Variants in FBXO6 observed in about 807,000 individuals in gnomAD.
FBXO6 encodes the protein F-box only protein 6.
In FBXO6, 13 loss-of-function variants were observed where a neutral mutation model predicts 25.0. The ratio of observed to expected loss-of-function variants is 0.52; its 90% CI spans 0.34 to 0.83. The LOEUF (loss-of-function observed/expected upper bound fraction) is 0.83, where lower values mean the gene tolerates loss of function less well. Among genes scored for constraint, FBXO6 ranks in the 40% least tolerant of loss-of-function variants. The probability of loss-of-function intolerance (pLI) is 0.02; values close to 1 mark genes in which losing one functional copy is unlikely to be tolerated. For missense variants in FBXO6, 370 were observed against 380.2 expected (o/e 0.97, Z 0.22); for synonymous variants, 138 against 155.3 (o/e 0.89, Z 0.83).
At chr1:11,665,215 CTTTTTTTTTTTTT>C (rs541103021) in intron 1 of FBXO6, among the ~76,000 whole-genome samples, 4 of 61,586 alleles carry the variant, frequency 6.5e-5, no homozygotes, top group Middle Eastern at 0.01. Context: ...TAGCTAATTT[CTTTTTTTTTTTTT>C]TTTTTTTTTT....
Position 11,665,058 on chromosome 1 carries a change from T to C in FBXO6, c.-4+803T>C, listed in dbSNP as rs530758828. On this transcript the variant is annotated intron_variant, in intron 1 of 5. Coordinates refer to ENST00000376753, the MANE Select transcript of FBXO6 (RefSeq NM_018438.6). Reference sequence around the variant, plus strand: ...AGCTGCCAGCATTTATTTATTTATTTATTTATGGCAGAGTCTTGCTCTGTC... The same window carrying C: ...AGCTGCCAGCATTTATTTATTTATTCATTTATGGCAGAGTCTTGCTCTGTC... Among the ~76,000 whole-genome samples the C allele has an allele frequency of 7.9e-5, 12 of 152,124 alleles. No individual in the cohort carries two copies. In the South Asian group the frequency reaches 2.5e-3, roughly 32 times the overall value.
chr1:11,665,404 T>C (rs996369328), intron 1 of FBXO6, among the ~76,000 whole-genome samples: 18 of 150,138 alleles, frequency 1.2e-4, no homozygotes, highest in Non-Finnish European at 2.5e-4. Flanking sequence ...TACAGGCACC[T>C]GCAACCAAGC....
At chr1:11,669,741 C>CACAG (rs1489659614) in intron 2 of FBXO6, among the ~76,000 whole-genome samples, 1 of 141,040 alleles carries the variant, frequency 7.1e-6, no homozygotes, top group Non-Finnish European at 1.5e-5. Flanking sequence ...TATACATACA[C>CACAG]ACACACACAC....
rs1205764625 is a variant in FBXO6, at chr1:11,673,652, G to A, written c.683G>A (p.Arg228His). 6 of 1,614,010 alleles carry A rather than the reference G, an allele frequency of 3.7e-6. No individual in the cohort carries two copies. The highest frequency in any genetic ancestry group is 2.2e-5 in the East Asian group (1 of 44,882). ...TTCTCAGACTACCCCCGGGGTGTCC[G>A]CTACATCCTCTTCCAGCATGGGGGC... is the stretch of plus-strand genomic sequence containing the variant. ...YTFSDYPRGV[R>H]YILFQHGGRD... is the part of the protein sequence containing the mutation. The change falls in exon 6 of 6, where the codon CGC becomes CAC. Residue 228 changes from arginine (R) to histidine (H), a missense_variant. Transcript: ENST00000376753. The surrounding 1 kb of genome is among the most constrained non-coding windows in gnomAD (Gnocchi z 4.3).
At chr1:11,665,546 C>A (rs1026817255) in intron 1 of FBXO6, among the ~76,000 whole-genome samples, 1 of 125,970 alleles carries the variant, frequency 7.9e-6, no homozygotes, top group African/African-American at 3.4e-5. Context: ...TGAGCCACCG[C>A]GCCCGGCCTT....
chr1:11,664,913 G>A (rs1481560271), intron 1 of FBXO6, among the ~76,000 whole-genome samples: 1 of 152,194 alleles, frequency 6.6e-6, no homozygotes, highest in Non-Finnish European at 1.5e-5. Context: ...GCAAGAAAAT[G>A]CGGACTGGGC....
At chr1:11,669,002 C>G in intron 2 of FBXO6, 58 bp downstream of exon 2, 1 of 1,579,922 alleles carries the variant, frequency 6.3e-7, no homozygotes, top group Admixed American at 1.8e-5. Context: ...ATCCTTGGGC[C>G]TTGGCACTTG....
chr1:11,668,762 T>C lies in FBXO6; in HGVS notation c.104T>C (p.Leu35Pro). Reference protein sequence around the residue: ...FTHVPARQLLLNCRLVCSLWR... With the variant: ...FTHVPARQLLPNCRLVCSLWR... ...CACGTGCCCGCCCGCCAGCTGCTGC[T>C]GAACTGCCGCCTGGTCTGCAGCCTC... The change falls in exon 2 of 6, where the codon CTG (leucine) becomes CCG (proline). Residue 35 changes from leucine to proline, a missense_variant. Physicochemically the swap from Leu to Pro is moderately conservative, Grantham distance 98 (BLOSUM62 -3). Coordinates refer to ENST00000376753, the MANE Select transcript of FBXO6 (RefSeq NM_018438.6). 1 of 1,614,030 alleles carries C rather than the reference T, an allele frequency of 6.2e-7. No individual in the cohort carries two copies. The highest frequency in any genetic ancestry group is 8.5e-7 in the Non-Finnish European group (1 of 1,180,020).
chr1:11,670,416 C>G (rs1640582593), intron 2 of FBXO6, among the ~76,000 whole-genome samples: 1 of 152,014 alleles, frequency 6.6e-6, no homozygotes, highest in Non-Finnish European at 1.5e-5. Context: ...GGCACTCTTG[C>G]CCTGGGCAGA....
At chr1:11,669,370 A>AG (rs1179433175) in intron 2 of FBXO6, among the ~76,000 whole-genome samples, 1 of 152,148 alleles carries the variant, frequency 6.6e-6, no homozygotes, top group Non-Finnish European at 1.5e-5. Flanking sequence ...AGGCTGAGGC[A>AG]GGAGAATCAC....
chr1:11,673,700 G>A lies in FBXO6; in HGVS notation c.731G>A (p.Gly244Asp), dbSNP rs1640694098. Residue 244 changes from glycine (G) to aspartate (D), a missense_variant, in exon 6 of 6, where the codon GGC becomes GAC. Physicochemically the swap from Gly to Asp is moderately conservative, Grantham distance 94 (BLOSUM62 -1). Transcript: ENST00000376753. This position sits in a 1 kb window ranked among gnomAD's most constrained non-coding sequence, Gnocchi z 4.3. ...HGGRDTQYWA[G>D]WYGPRVTNSS... ...GGCAGGGACACCCAGTACTGGGCAG[G>A]CTGGTATGGGCCCCGAGTCACCAAC... The A allele has an allele frequency of 6.2e-7, 1 of 1,613,988 alleles. No individual in the cohort carries two copies.
At position 11,673,889 on chromosome 1, in the gene FBXO6, C is replaced by T. The variant is rs148091905; in HGVS notation, c.*38C>T. ...CTGTGTCTGGGTCAGCCAGAGGTTC[C>T]TCCAGGCAGGAGCTGAGCATGGGGT... On this transcript the variant is annotated 3_prime_UTR_variant, in exon 6 of 6. Transcript: ENST00000376753. This position sits in a 1 kb window ranked among gnomAD's most constrained non-coding sequence, Gnocchi z 4.3. 2.5e-6 allele frequency: 4 copies of T among 1,599,404 alleles called. No homozygotes were observed. In the African/African-American group the frequency reaches 5.4e-5, roughly 21 times the overall value.
At chr1:11,669,425 T>C (rs932677504) in intron 2 of FBXO6, among the ~76,000 whole-genome samples, 1 of 151,762 alleles carries the variant, frequency 6.6e-6, no homozygotes, top group Non-Finnish European at 1.5e-5. Context: ...GATGGCTCCA[T>C]TGCACTCCAG....
intron 2 of FBXO6, among the ~76,000 whole-genome samples, chr1:11,669,857 G>A (rs1362180430): frequency 2.7e-5 from 4 of 147,578 alleles, no homozygotes; most frequent in African/African-American, 7.4e-5. Context: ...GGCTGGTCTC[G>A]AATTCCTGAC....
intron 1 of FBXO6, among the ~76,000 whole-genome samples, chr1:11,666,008 T>TG (rs1557670239): frequency 6.6e-6 from 1 of 151,442 alleles, no homozygotes; most frequent in Non-Finnish European, 1.5e-5. Flanking sequence ...TTGTTATTTT[T>TG]TTTTTCCATC....
At chr1:11,668,214 AC>A (rs1356747864) in intron 1 of FBXO6, among the ~76,000 whole-genome samples, 1 of 152,168 alleles carries the variant, frequency 6.6e-6, no homozygotes, top group Non-Finnish European at 1.5e-5. Flanking sequence ...TACAGTCCAC[AC>A]AACCCACTGG....
intron 3 of FBXO6, 57 bp from the exon 4 acceptor site, chr1:11,671,871 G>C (rs1227146580): frequency 9.7e-6 from 6 of 616,500 alleles, no homozygotes; most frequent in Admixed American, 4.4e-5. Flanking sequence ...GCCTGGGTGA[G>C]GGGGGGGGCC....
chr1:11,669,902 G>A (rs1340010147), intron 2 of FBXO6, among the ~76,000 whole-genome samples: 1 of 144,152 alleles, frequency 6.9e-6, no homozygotes, highest in Non-Finnish European at 1.5e-5. Flanking sequence ...CTCCCAAAGT[G>A]CTGGGATTAC....
intron 3 of FBXO6, 138 bp downstream of exon 3, chr1:11,671,530 A>T (rs1232855589): frequency 8.3e-7 from 1 of 1,206,122 alleles, no homozygotes; most frequent in African/African-American, 1.5e-5. Context: ...ACTTGCCCAG[A>T]GTCACTGCTT....
Sources: gnomAD v4.1 joint callset for allele counts (sites outside exome capture counted in the v4.1 genomes callset) on GRCh38, gnomAD v4.1.1 for gene constraint, Gnocchi (gnomAD v3.1) non-coding constraint, MANE v1.5 for transcripts, NCBI Gene and HGNC (gene_info 2026-07-23, HGNC 2026-07-21) for gene names.